The following CFAP54 variants were observed in gnomAD, a reference collection of about 807,000 sequenced individuals.
CFAP54 encodes the protein cilia and flagella associated protein 54, also known as cilia- and flagella-associated protein 54.
CFAP54 carries 290 observed loss-of-function variants against 370.4 expected under a neutral mutation model. The ratio of observed to expected loss-of-function variants is 0.78; its 90% CI spans 0.71 to 0.86. The LOEUF is 0.86. Ranked by LOEUF, CFAP54 falls within the 40% of genes least tolerant of loss-of-function variation. The pLI, the probability that CFAP54 is intolerant of heterozygous loss-of-function variation, is 0.00. For synonymous variants in CFAP54, 1,206 were observed against 1,236.5 expected, an observed-to-expected ratio of 0.98 and a Z score of 0.52; for missense variants, 3,399 against 3,528.7, an observed-to-expected ratio of 0.96 and a Z score of 0.93.
intron 66 of CFAP54, among the ~76,000 whole-genome samples, chr12:96,844,608 C>T (rs1313538674): frequency 6.6e-6 from 1 of 152,208 alleles, no homozygotes; most frequent in African/African-American, 2.4e-5. Flanking sequence ...TAAGTACATT[C>T]TGAAGTTAAG....
intron 22 of CFAP54, among the ~76,000 whole-genome samples, chr12:96,587,862 A>G (rs1368629944): frequency 2.6e-5 from 4 of 152,202 alleles, no homozygotes; most frequent in African/African-American, 9.6e-5. Context: ...TGTAGCCCAG[A>G]AAAGTGACTC....
intron 32 of CFAP54, among the ~76,000 whole-genome samples, chr12:96,638,720 T>A (rs1956690436): frequency 6.6e-6 from 1 of 152,206 alleles, no homozygotes; most frequent in Non-Finnish European, 1.5e-5. Context: ...TTATTGATGG[T>A]ATGTAGAAAT....
chr12:96,621,616 C>G lies in CFAP54; in HGVS notation c.3666C>G (p.Asp1222Glu). The G allele has an allele frequency of 2.0e-6, 3 of 1,500,084 alleles. No individual in the cohort carries two copies. Among genetic ancestry groups the G allele is most frequent in the Non-Finnish European group, 2.7e-6 (3 of 1,119,366 alleles). The allele number at this position is 1,500,084 out of a possible 1,614,324, so 92.9% of individuals were successfully genotyped here. A position where few individuals can be genotyped will look rare whatever the true frequency, so the allele number is the denominator to read the frequency against. The change falls in exon 27 of 68, where the codon GAC (aspartate) becomes GAG (glutamate). Residue 1222 changes from aspartate (D) to glutamate (E), a missense_variant. Transcript: ENST00000524981. ...TTCTTCGTTCATGGAGGGAATATGA[C>G]CTGGCAGTAATGATTATAAATTATG... The part of the protein sequence containing the change: ...TKILRSWREY[D>E]LAVMIINYGK...
intron 17 of CFAP54, among the ~76,000 whole-genome samples, chr12:96,555,225 T>C (rs1490642175): frequency 1.3e-5 from 2 of 151,988 alleles, no homozygotes; most frequent in African/African-American, 2.4e-5. Context: ...CAGAGTATTA[T>C]GGGCACACAG....
chr12:96,512,930 A>G, intron 4 of CFAP54, 56 bp from the exon 5 acceptor site: 1 of 1,181,524 alleles, frequency 8.5e-7, no homozygotes, highest in Non-Finnish European at 1.2e-6. Flanking sequence ...AAATTGGAAT[A>G]TAAAATTTCT....
intron 66 of CFAP54, among the ~76,000 whole-genome samples, chr12:96,857,882 C>G (rs960692899): frequency 6.6e-6 from 1 of 152,184 alleles, no homozygotes; most frequent in Non-Finnish European, 1.5e-5. Flanking sequence ...ATCATCCAGT[C>G]TCAGGCAGGT....
intron 50 of CFAP54, among the ~76,000 whole-genome samples, chr12:96,729,426 A>C (rs1024895852): frequency 6.6e-6 from 1 of 152,078 alleles, no homozygotes; most frequent in Non-Finnish European, 1.5e-5. Context: ...TTGCAGTTTG[A>C]TCTCAGACTG....
At chr12:96,745,559 A>G (rs759931977) in intron 55 of CFAP54, among the ~76,000 whole-genome samples, 18 of 151,326 alleles carry the variant, frequency 1.2e-4, no homozygotes, top group Non-Finnish European at 1.5e-4. Flanking sequence ...AGTTCTTTGT[A>G]TACTCTGAAT....
Position 96,651,685 on chromosome 12 carries a change from C to A in CFAP54, c.4970C>A (p.Ala1657Glu), listed in dbSNP as rs1203611218. 1 of 1,613,894 alleles carries A rather than the reference C, an allele frequency of 6.2e-7. No homozygotes were observed. The highest frequency in any genetic ancestry group is 8.5e-7 in the Non-Finnish European group (1 of 1,179,894). The change falls in exon 36 of 68, where the codon GCA becomes GAA. Residue 1657 changes from alanine to glutamate, a missense_variant. Ala to Glu is a moderately radical substitution (Grantham distance 107). Around this residue, in one of 3 missense-constraint regions of CFAP54, gnomAD observed 2,796 missense variants for 2,869.7 expected, o/e 0.97. Transcript: ENST00000524981. ...GAACTACAAATACTTCTTAAACAGG[C>A]AGTGGATCTTGATAAAACATTTCCT... ...TQELQILLKQ[A>E]VDLDKTFPIS...
chr12:96,548,701 A>G (rs1281228091), intron 15 of CFAP54, among the ~76,000 whole-genome samples: 1 of 152,192 alleles, frequency 6.6e-6, no homozygotes, highest in Non-Finnish European at 1.5e-5. Context: ...AGAGACTGAC[A>G]TGCATAAGAG....
intron 26 of CFAP54, among the ~76,000 whole-genome samples, chr12:96,615,230 T>G (rs1225345741): frequency 1.3e-5 from 2 of 152,214 alleles, no homozygotes; most frequent in Non-Finnish European, 2.9e-5. Flanking sequence ...CATCTGATCT[T>G]TGACAAACCT....
chr12:96,568,599 A>C (rs1955884507), intron 19 of CFAP54, among the ~76,000 whole-genome samples: 2 of 152,228 alleles, frequency 1.3e-5, no homozygotes. Flanking sequence ...CTTGGCAATC[A>C]TTCTCAACTG....
intron 64 of CFAP54, among the ~76,000 whole-genome samples, chr12:96,817,513 C>T (rs1958989286): frequency 6.6e-6 from 1 of 151,936 alleles, no homozygotes; most frequent in Admixed American, 6.6e-5. Context: ...CTCTGCCTCC[C>T]AGGTTCACGC....
rs1955852458 is a variant in CFAP54 at position 96,564,988 on chromosome 12, A to G, written c.2619+223A>G. The stretch of plus-strand genomic sequence containing the variant: ...TTTATCAGAACTTCATGCAATCTAC[A>G]TGAGAAGACAAATAAAATCAGAAGG... On this transcript the variant is annotated intron_variant, in intron 19 of 67. Coordinates refer to ENST00000524981, the MANE Select transcript of CFAP54 (RefSeq NM_001306084.2). The G allele has an allele frequency of 1.8e-5, 5 of 277,940 alleles. No homozygotes were observed. The South Asian group carries it at 6.7e-4, about 37-fold the overall frequency. The allele number at this position is 277,940 out of a possible 1,614,324, so 17.2% of individuals were successfully genotyped here.
chr12:96,682,490 T>C (rs1957283824), intron 40 of CFAP54, among the ~76,000 whole-genome samples: 1 of 151,916 alleles, frequency 6.6e-6, no homozygotes, highest in Non-Finnish European at 1.5e-5. Context: ...ATCCTCCCAC[T>C]TCAGTCTCCC....
In CFAP54 at chr12:96,631,483, G is replaced by A. The variant is rs116275239; in HGVS notation, c.4316+832G>A. Among the ~76,000 whole-genome samples, 576 of 151,350 alleles carry A rather than the reference G, an allele frequency of 3.8e-3. 4 individuals are homozygous for A. Among genetic ancestry groups the A allele is most frequent in the African/African-American group, 0.013 (550 of 41,388 alleles). On this transcript the variant is annotated intron_variant, in intron 32 of 67. Transcript: ENST00000524981. ...TTTTTCCAATTTGCTTTGGAAATTT[G>A]CCTTTTTTCTCTCAATATTATGTTT...
intron 33 of CFAP54, among the ~76,000 whole-genome samples, chr12:96,647,427 C>G (rs550201640): frequency 3.7e-5 from 5 of 136,866 alleles, no homozygotes; most frequent in African/African-American, 1.4e-4. Context: ...GAGCCGATAT[C>G]GCGCCACTGC....
intron 45 of CFAP54, among the ~76,000 whole-genome samples, chr12:96,694,743 G>A (rs1262419925): frequency 1.3e-5 from 2 of 152,132 alleles, no homozygotes; most frequent in East Asian, 1.9e-4. Flanking sequence ...AAACCTCAAG[G>A]CCAGGCATGA....
chr12:96,774,100 T>C (rs937379096), intron 60 of CFAP54, among the ~76,000 whole-genome samples: 5 of 152,168 alleles, frequency 3.3e-5, no homozygotes, highest in Non-Finnish European at 7.4e-5. Context: ...TTGTGAGGAC[T>C]AAGCTTGAAC....
Sources: gnomAD v4.1 joint callset for allele counts (sites outside exome capture counted in the v4.1 genomes callset) on GRCh38, gnomAD v4.1.1 for gene constraint, gnomAD v4.1.1 regional missense constraint, MANE v1.5 for transcripts, NCBI Gene and HGNC (gene_info 2026-07-23, HGNC 2026-07-21) for gene names.